MSRA: variants seen among roughly 807,000 people sequenced by gnomAD.
The protein encoded by MSRA is methionine sulfoxide reductase A, also known as mitochondrial peptide methionine sulfoxide reductase.
In MSRA, 54 loss-of-function variants were observed where a neutral mutation model predicts 31.3. The ratio of observed to expected loss-of-function variants is 1.73; its 90% CI spans 1.39 to 2.17. MSRA has a LOEUF of 2.17. Among genes scored for constraint, MSRA ranks in the 30% most tolerant of loss-of-function variants. The pLI is 0.00. For missense variants in MSRA, 507 were observed against 300.9 expected, an observed-to-expected ratio of 1.69 and a Z score of -5.07; for synonymous variants, 169 against 116.5, an observed-to-expected ratio of 1.45 and a Z score of -2.90.
chr8:10,357,802 G>C (rs374552947), intron 5 of MSRA, among the ~76,000 whole-genome samples: 32 of 152,362 alleles, frequency 2.1e-4, no homozygotes, highest in African/African-American at 7.2e-4. Flanking sequence ...GTTGGGGAGG[G>C]AGGGGTGTTA....
intron 3 of MSRA, among the ~76,000 whole-genome samples, chr8:10,259,215 A>G (rs1798341225): frequency 6.6e-6 from 1 of 152,078 alleles, no homozygotes. Context: ...ATCTATGGCC[A>G]CTCTCTGGCA....
At chr8:10,273,802 C>G (rs1309154654) in intron 3 of MSRA, among the ~76,000 whole-genome samples, 1 of 150,224 alleles carries the variant, frequency 6.7e-6, no homozygotes, top group Non-Finnish European at 1.5e-5. Flanking sequence ...CAAACTATTC[C>G]AATTACTTCA....
chr8:10,295,543 C>G (rs771626527), intron 3 of MSRA, among the ~76,000 whole-genome samples: 1 of 152,212 alleles, frequency 6.6e-6, no homozygotes, highest in Non-Finnish European at 1.5e-5. Context: ...TTGGTTCTGA[C>G]GGCTCTGCTC....
chr8:10,230,677 T>C (rs966963603), intron 2 of MSRA, among the ~76,000 whole-genome samples: 2 of 152,214 alleles, frequency 1.3e-5, no homozygotes, highest in Non-Finnish European at 2.9e-5. Context: ...AAATTTGGAA[T>C]AAACTGAAGA....
rs188265724 is a variant in MSRA at position 10,097,122 on chromosome 8, A to G, written c.142+42464A>G. ...ATTAATTGTTTCACATGTTTTTTAT[A>G]AAATTATAGTGACACATCAGCAATC... On this transcript the variant is annotated intron_variant, in intron 1 of 5. Transcript: ENST00000317173. 5.2e-3 allele frequency among the ~76,000 whole-genome samples: 788 copies of G among 152,298 alleles called. 3 individuals are homozygous for G. Among genetic ancestry groups the G allele is most frequent in the Non-Finnish European group, 6.6e-3 (452 of 68,022 alleles).
chr8:10,330,097 C>A (rs1382131150), intron 5 of MSRA, among the ~76,000 whole-genome samples: 1 of 148,884 alleles, frequency 6.7e-6, no homozygotes, highest in Non-Finnish European at 1.5e-5. Flanking sequence ...CTCTTAGTCA[C>A]TTACTCTCTT....
At chr8:10,098,459 T>C (rs139136018) in intron 1 of MSRA, among the ~76,000 whole-genome samples, 2,425 of 152,338 alleles carry the variant, frequency 0.016, 27 homozygotes, top group Non-Finnish European at 0.022. Context: ...TTTATTCATT[T>C]ATTCAACAAA....
At chr8:10,109,238 C>G (rs79602299) in intron 1 of MSRA, among the ~76,000 whole-genome samples, 3,075 of 152,204 alleles carry the variant, frequency 0.02, 97 homozygotes, top group African/African-American at 0.068. Context: ...CTGTTTTAAC[C>G]CTTTTTTACC....
chr8:10,095,904 G>A (rs1375414606), intron 1 of MSRA: 3 of 1,313,696 alleles, frequency 2.3e-6, no homozygotes, highest in Non-Finnish European at 2.9e-6. Flanking sequence ...TACCATGAGA[G>A]ACAGGATTAA....
intron 1 of MSRA, among the ~76,000 whole-genome samples, chr8:10,074,759 A>C (rs1797920591): frequency 6.6e-6 from 1 of 151,978 alleles, no homozygotes; most frequent in African/African-American, 2.4e-5. Flanking sequence ...CCTGGGTTCA[A>C]GTGATTCTTC....
At chr8:10,361,761 T>TA (rs768174197) in intron 5 of MSRA, among the ~76,000 whole-genome samples, 31 of 152,334 alleles carry the variant, frequency 2.0e-4, no homozygotes, top group Non-Finnish European at 3.8e-4. Flanking sequence ...AAGTAACTCT[T>TA]AAGAAAATCA....
chr8:10,132,068 A>G (rs1801935291), intron 1 of MSRA, among the ~76,000 whole-genome samples: 1 of 152,214 alleles, frequency 6.6e-6, no homozygotes, highest in Non-Finnish European at 1.5e-5. Flanking sequence ...CTTCTGTCAC[A>G]GTTCAGATAG....
chr8:10,070,761 C>T (rs779916156), intron 1 of MSRA, among the ~76,000 whole-genome samples: 1 of 152,164 alleles, frequency 6.6e-6, no homozygotes, highest in Non-Finnish European at 1.5e-5. Flanking sequence ...TAGTATGTAA[C>T]CTCTTGGGAT....
intron 3 of MSRA, among the ~76,000 whole-genome samples, chr8:10,299,451 C>A (rs562362049): frequency 6.6e-6 from 1 of 152,094 alleles, no homozygotes; most frequent in Non-Finnish European, 1.5e-5. Context: ...TTTTCCCAAA[C>A]TCTCCACTGT....
chr8:10,224,914 G>C (rs756295940), intron 2 of MSRA, among the ~76,000 whole-genome samples: 1 of 152,178 alleles, frequency 6.6e-6, no homozygotes, highest in Non-Finnish European at 1.5e-5. Flanking sequence ...TACTTTGGGA[G>C]GATCACCTGA....
chr8:10,325,231 G>A (rs1802292950), intron 5 of MSRA, among the ~76,000 whole-genome samples: 2 of 152,174 alleles, frequency 1.3e-5, no homozygotes, highest in Admixed American at 6.5e-5. Context: ...ATAGAGGTGA[G>A]AAAGAAAAAC....
At chr8:10,331,136 C>A (rs1361756377) in intron 5 of MSRA, among the ~76,000 whole-genome samples, 1 of 152,218 alleles carries the variant, frequency 6.6e-6, no homozygotes. Context: ...CTTGCCAGAA[C>A]CTTGATCTTG....
intron 5 of MSRA, among the ~76,000 whole-genome samples, chr8:10,406,541 C>T (rs1448269998): frequency 6.6e-6 from 1 of 152,056 alleles, no homozygotes; most frequent in East Asian, 1.9e-4. Context: ...GGGTTACATC[C>T]AGGGTGTTGG....
chr8:10,195,312 C>G (rs1442732350), intron 1 of MSRA, among the ~76,000 whole-genome samples: 1 of 152,220 alleles, frequency 6.6e-6, no homozygotes, highest in Middle Eastern at 3.2e-3. Flanking sequence ...ACAATCTCGG[C>G]TCATTGCAAT....
Sources: allele counts gnomAD v4.1 joint callset (sites outside exome capture counted in the v4.1 genomes callset), GRCh38; gene constraint gnomAD v4.1.1; transcripts MANE v1.5; gene names NCBI Gene and HGNC (gene_info 2026-07-23, HGNC 2026-07-21).